The following ZMIZ1 variants were observed in gnomAD, a reference collection of about 807,000 sequenced individuals.
ZMIZ1 encodes zinc finger MIZ domain-containing protein 1.
In ZMIZ1, 17 loss-of-function variants were observed where a neutral mutation model predicts 113.9. The observed-to-expected ratio is 0.15, with a 90% CI of 0.10 to 0.22. The LOEUF (loss-of-function observed/expected upper bound fraction) is 0.22, where lower values mean the gene tolerates loss of function less well. Ranked by LOEUF, ZMIZ1 falls within the 10% of genes least tolerant of loss-of-function variation. ZMIZ1 has a pLI of 1.00. For missense variants in ZMIZ1, 1,059 were observed against 1,477.8 expected (o/e 0.72, Z 4.65); for synonymous variants, 607 against 603.1 (o/e 1.01, Z -0.09).
intron 2 of ZMIZ1, among the ~76,000 whole-genome samples, chr10:79,129,771 C>T (rs1844671531): frequency 6.6e-6 from 1 of 152,214 alleles, no homozygotes; most frequent in Non-Finnish European, 1.5e-5. Flanking sequence ...CAGAGCGAGC[C>T]CCTGCCCCCA....
chr10:79,312,478 G>A (rs967341895), intron 24 of ZMIZ1, among the ~76,000 whole-genome samples, 164 bp from the exon 25 acceptor site: 1 of 152,246 alleles, frequency 6.6e-6, no homozygotes, highest in African/African-American at 2.4e-5. Flanking sequence ...TATGTGTGGG[G>A]ATACCTGGCA....
chr10:79,254,300 C>G (rs1051734045), intron 7 of ZMIZ1, among the ~76,000 whole-genome samples: 5 of 152,238 alleles, frequency 3.3e-5, no homozygotes, highest in Admixed American at 3.3e-4. Context: ...CTGCAGGGTA[C>G]TGGGGATGGT....
In ZMIZ1 at chr10:79,296,028, T is replaced by G; in HGVS notation, c.1231-443T>G. 1 of 198,360 alleles carries G rather than the reference T, an allele frequency of 5.0e-6. No homozygotes were observed. Among genetic ancestry groups the G allele is most frequent in the South Asian group, 7.3e-5 (1 of 13,624 alleles). 12.3% of individuals were successfully genotyped at this position (198,360 alleles called of 1,614,324 possible). On this transcript the variant is annotated intron_variant, in intron 12 of 24. Coordinates refer to ENST00000334512, the MANE Select transcript of ZMIZ1 (RefSeq NM_020338.4). This position sits in a 1 kb window ranked among gnomAD's most constrained non-coding sequence, Gnocchi z 4.1. ...AGTACGAGGACAATGCCACCCAAGTTCAGCCTTGGAATGCAGGGGCACAGG... is the reference window on the plus strand; with the variant it reads ...AGTACGAGGACAATGCCACCCAAGTGCAGCCTTGGAATGCAGGGGCACAGG...
chr10:79,085,536 A>C (rs1371020088), intron 1 of ZMIZ1, among the ~76,000 whole-genome samples: 4 of 152,170 alleles, frequency 2.6e-5, no homozygotes, highest in Non-Finnish European at 5.9e-5. Flanking sequence ...GAGGCCTTCC[A>C]TGGCTCTCTG....
At chr10:79,121,583 C>G (rs1240054169) in intron 2 of ZMIZ1, among the ~76,000 whole-genome samples, 1 of 152,216 alleles carries the variant, frequency 6.6e-6, no homozygotes, top group Non-Finnish European at 1.5e-5. Context: ...GCAGAAAGCT[C>G]TGGGGTACCC....
intron 1 of ZMIZ1, among the ~76,000 whole-genome samples, chr10:79,087,238 A>C (rs1842846673): frequency 6.6e-6 from 1 of 152,230 alleles, no homozygotes; most frequent in Non-Finnish European, 1.5e-5. Flanking sequence ...CATGTATTAG[A>C]TGATTTTTTG....
At chr10:79,211,979 C>T (rs1047309740) in intron 6 of ZMIZ1, among the ~76,000 whole-genome samples, 21 of 152,254 alleles carry the variant, frequency 1.4e-4, no homozygotes, top group African/African-American at 4.3e-4. Flanking sequence ...AAAGACTTTT[C>T]GGGTCCCGCC....
chr10:79,276,303 T>C (rs1852284664), intron 7 of ZMIZ1, among the ~76,000 whole-genome samples: 1 of 152,198 alleles, frequency 6.6e-6, no homozygotes, highest in South Asian at 2.1e-4. Flanking sequence ...ACAGGCCAGC[T>C]GAGACACGAT....
chr10:79,162,844 G>A (rs1016389934), intron 4 of ZMIZ1, among the ~76,000 whole-genome samples: 11 of 152,132 alleles, frequency 7.2e-5, no homozygotes, highest in African/African-American at 2.4e-4. Flanking sequence ...GGATGGACAC[G>A]AACTGGACCC....
At chr10:79,117,648 G>T (rs531863548) in intron 1 of ZMIZ1, among the ~76,000 whole-genome samples, 2 of 152,308 alleles carry the variant, frequency 1.3e-5, no homozygotes, top group South Asian at 4.2e-4. Flanking sequence ...TGGAGTTCCT[G>T]GGTCATGGGA....
chr10:79,303,698 A>G (rs991451440), intron 18 of ZMIZ1, among the ~76,000 whole-genome samples: 23 of 152,196 alleles, frequency 1.5e-4, no homozygotes, highest in African/African-American at 5.3e-4. Context: ...AAGTGCCATA[A>G]TGACTTTCCA....
chr10:79,138,162 G>A (rs967865934), intron 2 of ZMIZ1, among the ~76,000 whole-genome samples: 13 of 152,200 alleles, frequency 8.5e-5, no homozygotes, highest in African/African-American at 1.7e-4. Flanking sequence ...CCAGTGCTGC[G>A]GGGTGCCCAC....
rs780241706 is a variant in ZMIZ1, at chr10:79,293,698, TG to T, written c.1230+48del. ...CCTGGGAGGTGGGAACTGGGACACC[TG>T]GGCTTGAAGACATGGGCCGTGGGTA... On this transcript the variant is annotated intron_variant, in intron 12 of 24. Transcript: ENST00000334512. 2.4e-5 allele frequency: 39 copies of T among 1,612,778 alleles called. No homozygotes were observed. In the South Asian group the frequency reaches 4.0e-4, roughly 16 times the overall value.
chr10:79,144,393 C>G (rs1010424262), intron 3 of ZMIZ1, among the ~76,000 whole-genome samples: 1 of 152,204 alleles, frequency 6.6e-6, no homozygotes, highest in Non-Finnish European at 1.5e-5. Context: ...ACTGCCTCCC[C>G]ACTGGCCCCA....
chr10:79,171,490 A>G lies in ZMIZ1; in HGVS notation c.-50+9357A>G, dbSNP rs369449348. Among the ~76,000 whole-genome samples, 6 of 152,284 alleles carry G rather than the reference A, an allele frequency of 3.9e-5. 1 individual carries two copies. The highest frequency in any genetic ancestry group is 6.5e-5 in the Admixed American group (1 of 15,296). ...TCAGCCCCTCTCCACTGCTCTCTCT[A>G]TCTGTACTCAGTAAGGCAGCAGTAT... is the stretch of plus-strand genomic sequence containing the variant. On this transcript the variant is annotated intron_variant, in intron 4 of 24. Coordinates refer to ENST00000334512, the MANE Select transcript of ZMIZ1 (RefSeq NM_020338.4).
chr10:79,227,872 A>T (rs1849254618), intron 7 of ZMIZ1, among the ~76,000 whole-genome samples: 2 of 152,318 alleles, frequency 1.3e-5, no homozygotes, highest in Non-Finnish European at 1.5e-5. Flanking sequence ...CTAAGAATGC[A>T]TCCCCCCTTT....
intron 11 of ZMIZ1, among the ~76,000 whole-genome samples, chr10:79,293,025 C>T (rs1165473533): frequency 2.6e-5 from 4 of 152,102 alleles, no homozygotes; most frequent in Non-Finnish European, 5.9e-5. Context: ...CCTCCACCCT[C>T]ATCTACCTCC....
At chr10:79,272,305 GC>G (rs1224775567) in intron 7 of ZMIZ1, among the ~76,000 whole-genome samples, 1 of 152,018 alleles carries the variant, frequency 6.6e-6, no homozygotes, top group Non-Finnish European at 1.5e-5. Context: ...AAAAAAAATA[GC>G]ACAATAACCC....
At chr10:79,234,394 A>G (rs1013056954) in intron 7 of ZMIZ1, among the ~76,000 whole-genome samples, 3 of 152,158 alleles carry the variant, frequency 2.0e-5, no homozygotes, top group African/African-American at 4.8e-5. Context: ...CTGAGGATGG[A>G]TGGTACACAG....
Sources: gnomAD v4.1 joint callset for allele counts (sites outside exome capture counted in the v4.1 genomes callset) on GRCh38, gnomAD v4.1.1 for gene constraint, Gnocchi (gnomAD v3.1) non-coding constraint, MANE v1.5 for transcripts, NCBI Gene and HGNC (gene_info 2026-07-23, HGNC 2026-07-21) for gene names.